Variants in CNTN5 observed in about 807,000 individuals in gnomAD.
The protein encoded by CNTN5 is contactin 5, also known as contactin-5.
In CNTN5, 77 loss-of-function variants were observed where a neutral mutation model predicts 129.1. That is an observed-to-expected ratio of 0.60 (90% CI 0.50 to 0.72). The LOEUF (loss-of-function observed/expected upper bound fraction) is 0.72, where lower values mean the gene tolerates loss of function less well. Ranked by LOEUF, CNTN5 falls within the 30% of genes least tolerant of loss-of-function variation. CNTN5 has a pLI of 0.00. For missense variants in CNTN5, 1,478 were observed against 1,328.8 expected, an observed-to-expected ratio of 1.11 and a Z score of -1.75; for synonymous variants, 509 against 465.6, an observed-to-expected ratio of 1.09 and a Z score of -1.20.
intron 3 of CNTN5, among the ~76,000 whole-genome samples, chr11:99,574,282 C>G (rs1373774480): frequency 1.3e-5 from 2 of 152,170 alleles, no homozygotes; most frequent in African/African-American, 2.4e-5. Context: ...ATATTTGTGC[C>G]ACATTTTCTT....
At chr11:99,436,750 T>C (rs1051368492) in intron 2 of CNTN5, among the ~76,000 whole-genome samples, 1 of 152,188 alleles carries the variant, frequency 6.6e-6, no homozygotes, top group Non-Finnish European at 1.5e-5. Context: ...CTCCTCACAA[T>C]AATTCTCATA....
chr11:99,620,164 A>G (rs902655415), intron 3 of CNTN5, among the ~76,000 whole-genome samples: 1 of 152,138 alleles, frequency 6.6e-6, no homozygotes, highest in African/African-American at 2.4e-5. Context: ...ATATTGGTTA[A>G]GAGACGAAAA....
At chr11:99,620,093 C>T (rs1387761686) in intron 3 of CNTN5, among the ~76,000 whole-genome samples, 4 of 151,176 alleles carry the variant, frequency 2.6e-5, no homozygotes, top group East Asian at 1.9e-4. Flanking sequence ...TCTATAATTA[C>T]TTTTCATTAA....
At chr11:100,021,192 A>G (rs992868380) in intron 9 of CNTN5, among the ~76,000 whole-genome samples, 9 of 152,026 alleles carry the variant, frequency 5.9e-5, no homozygotes, top group Non-Finnish European at 1.0e-4. Context: ...ACTTTTTGTG[A>G]TTTAAACTCT....
intron 16 of CNTN5, among the ~76,000 whole-genome samples, chr11:100,232,736 A>G (rs1949516762): frequency 2.0e-5 from 3 of 152,298 alleles, no homozygotes; most frequent in Admixed American, 2.0e-4. Context: ...CTAAACATGA[A>G]CAACTTTATT....
intron 2 of CNTN5, among the ~76,000 whole-genome samples, chr11:99,552,102 T>C (rs1402786446): frequency 6.6e-6 from 1 of 151,892 alleles, no homozygotes; most frequent in Admixed American, 6.6e-5. Context: ...GAGACAAGGT[T>C]TCACCATGTT....
chr11:99,478,613 C>G (rs909324376), intron 2 of CNTN5, among the ~76,000 whole-genome samples: 3 of 151,972 alleles, frequency 2.0e-5, no homozygotes, highest in African/African-American at 7.3e-5. Flanking sequence ...TTCCCCCTCT[C>G]CAAATAGGCT....
At chr11:99,367,057 A>G (rs1302842274) in intron 2 of CNTN5, among the ~76,000 whole-genome samples, 1 of 152,206 alleles carries the variant, frequency 6.6e-6, no homozygotes, top group Non-Finnish European at 1.5e-5. Flanking sequence ...TTATGGTATT[A>G]TGCCTCTAAA....
intron 12 of CNTN5, 99 bp downstream of exon 12, chr11:100,071,933 A>G: frequency 9.1e-7 from 1 of 1,094,470 alleles, no homozygotes; most frequent in East Asian, 2.7e-5. Context: ...GGTTGTAAAA[A>G]TCTATTTTAT....
At chr11:99,549,375 T>C (rs1948407113) in intron 2 of CNTN5, among the ~76,000 whole-genome samples, 1 of 152,140 alleles carries the variant, frequency 6.6e-6, no homozygotes, top group Admixed American at 6.5e-5. Context: ...GACATATGGA[T>C]TCTCCTATTT....
chr11:99,739,663 G>A (rs1267583236), intron 3 of CNTN5, among the ~76,000 whole-genome samples: 1 of 152,096 alleles, frequency 6.6e-6, no homozygotes, highest in Admixed American at 6.6e-5. Flanking sequence ...TTATACAACA[G>A]TGCCCCCTGA....
intron 6 of CNTN5, among the ~76,000 whole-genome samples, chr11:99,857,397 G>A (rs76300604): frequency 0.042 from 6,397 of 152,154 alleles, 177 homozygotes; most frequent in South Asian, 0.087. Context: ...ATTCCCTTAT[G>A]ACACCTATGA....
intron 8 of CNTN5, among the ~76,000 whole-genome samples, chr11:99,958,851 T>C (rs1950869378): frequency 6.6e-6 from 1 of 152,212 alleles, no homozygotes; most frequent in African/African-American, 2.4e-5. Flanking sequence ...AATAATACTT[T>C]ATATTTGAAT....
chr11:99,637,824 G>T (rs1405168583), intron 3 of CNTN5, among the ~76,000 whole-genome samples: 3 of 151,528 alleles, frequency 2.0e-5, no homozygotes, highest in Admixed American at 2.0e-4. Context: ...ATATTCAAAA[G>T]ACTCCATTTT....
intron 15 of CNTN5, among the ~76,000 whole-genome samples, chr11:100,215,852 G>T (rs12807749): frequency 0.28 from 42,256 of 151,998 alleles, 7,107 homozygotes; most frequent in Non-Finnish European, 0.38. Context: ...TATGCAAATT[G>T]GTCATTAATC....
chr11:99,485,986 T>G (rs1021075418), intron 2 of CNTN5, among the ~76,000 whole-genome samples: 3 of 152,082 alleles, frequency 2.0e-5, no homozygotes, highest in African/African-American at 7.2e-5. Flanking sequence ...CGCTTACAAT[T>G]AATATGAATC....
At chr11:99,549,305 T>C (rs17133784) in intron 2 of CNTN5, among the ~76,000 whole-genome samples, 13,433 of 152,040 alleles carry the variant, frequency 0.088, 1,186 homozygotes, top group East Asian at 0.35. Flanking sequence ...ACCTGAAAAT[T>C]CTATTTTACT....
intron 1 of CNTN5, among the ~76,000 whole-genome samples, chr11:99,122,140 CA>C (rs112326981): frequency 0.13 from 20,480 of 151,966 alleles, 1,548 homozygotes; most frequent in African/African-American, 0.2. Context: ...AACCTCCCCC[CA>C]ACTCCACTTT....
At chr11:99,575,680 A>G (rs776126988) in intron 3 of CNTN5, among the ~76,000 whole-genome samples, 1 of 152,172 alleles carries the variant, frequency 6.6e-6, no homozygotes, top group Non-Finnish European at 1.5e-5. Context: ...AGCATTTGGA[A>G]GAGCAAAGGT....
Sources: allele counts gnomAD v4.1 joint callset (sites outside exome capture counted in the v4.1 genomes callset), GRCh38; gene constraint gnomAD v4.1.1; transcripts MANE v1.5; gene names NCBI Gene and HGNC (gene_info 2026-07-23, HGNC 2026-07-21).